CA10: variants seen among roughly 807,000 people sequenced by gnomAD.
CA10 encodes carbonic anhydrase 10 (inactive).
In CA10, 14 loss-of-function variants were observed where a neutral mutation model predicts 44.2. That is an observed-to-expected ratio of 0.32 (90% CI 0.21 to 0.50). The LOEUF (loss-of-function observed/expected upper bound fraction) is 0.50, where lower values mean the gene tolerates loss of function less well. Ranked by LOEUF, CA10 falls within the 20% of genes least tolerant of loss-of-function variation. The pLI, the probability that CA10 is intolerant of heterozygous loss-of-function variation, is 0.99. For missense variants in CA10, 350 were observed against 409.7 expected (o/e 0.85, Z 1.26); for synonymous variants, 159 against 141.6 (o/e 1.12, Z -0.87).
chr17:51,990,248 A>G (rs1453115551), intron 2 of CA10, among the ~76,000 whole-genome samples: 1 of 152,118 alleles, frequency 6.6e-6, no homozygotes, highest in East Asian at 1.9e-4. Context: ...ATTGCCCCAG[A>G]ATTTCCAGTA....
At chr17:51,972,221 A>G (rs1371123649) in intron 2 of CA10, among the ~76,000 whole-genome samples, 1 of 152,106 alleles carries the variant, frequency 6.6e-6, no homozygotes, top group African/African-American at 2.4e-5. Flanking sequence ...GGTCATGGAA[A>G]GGTTCAGACT....
chr17:51,723,850 A>G (rs960469308), intron 4 of CA10, among the ~76,000 whole-genome samples: 1 of 152,172 alleles, frequency 6.6e-6, no homozygotes, highest in African/African-American at 2.4e-5. Flanking sequence ...TACAGATTAA[A>G]AGCCTTGCAC....
chr17:52,097,395 G>A (rs796315308), intron 1 of CA10, among the ~76,000 whole-genome samples: 20 of 152,142 alleles, frequency 1.3e-4, no homozygotes, highest in African/African-American at 4.1e-4. Flanking sequence ...TATATATTTT[G>A]TACATCAAAT....
intron 3 of CA10, among the ~76,000 whole-genome samples, chr17:51,757,657 A>G (rs1420369619): frequency 6.6e-6 from 1 of 152,250 alleles, no homozygotes; most frequent in Non-Finnish European, 1.5e-5. Context: ...CACAACTACC[A>G]TAGCCTATAG....
chr17:51,963,371 T>C (rs1221233891), intron 2 of CA10, among the ~76,000 whole-genome samples: 1 of 152,148 alleles, frequency 6.6e-6, no homozygotes, highest in Non-Finnish European at 1.5e-5. Context: ...AAAACGTCCC[T>C]AATCTTGCTA....
In CA10 at chr17:51,686,586, T is replaced by C. The variant is rs371599331; in HGVS notation, c.466-32850A>G. ...TCTTAATGTCTACACCCTAGATGAA[T>C]GAAGTCAAGATCTCTAGGAGTGGGC... On this transcript the variant is annotated intron_variant, in intron 4 of 8. Transcript: ENST00000451037. 7.2e-5 allele frequency among the ~76,000 whole-genome samples: 11 copies of C among 152,242 alleles called. No homozygotes were observed. In the East Asian group the frequency reaches 1.2e-3, roughly 16 times the overall value.
chr17:52,125,246 G>A (rs1268681758), intron 1 of CA10, among the ~76,000 whole-genome samples: 1 of 152,180 alleles, frequency 6.6e-6, no homozygotes, highest in Non-Finnish European at 1.5e-5. Flanking sequence ...TCATTGATAA[G>A]TACTTAGTGA....
At chr17:51,976,102 A>C (rs1316428808) in intron 2 of CA10, among the ~76,000 whole-genome samples, 1 of 152,188 alleles carries the variant, frequency 6.6e-6, no homozygotes, top group Non-Finnish European at 1.5e-5. Context: ...GTGACAACTC[A>C]TCAAGAAGAC....
intron 1 of CA10, among the ~76,000 whole-genome samples, chr17:52,103,296 G>A (rs1322893175): frequency 1.3e-5 from 2 of 152,198 alleles, no homozygotes; most frequent in Non-Finnish European, 2.9e-5. Flanking sequence ...GCTTTTCAGT[G>A]ACCACAAGCT....
chr17:51,841,282 A>G (rs973802779), intron 3 of CA10, among the ~76,000 whole-genome samples: 2 of 151,978 alleles, frequency 1.3e-5, no homozygotes, highest in African/African-American at 4.8e-5. Flanking sequence ...GTGTAGATAC[A>G]TACTGATAGT....
intron 4 of CA10, among the ~76,000 whole-genome samples, chr17:51,657,681 T>A (rs886077): frequency 6.6e-6 from 1 of 152,186 alleles, no homozygotes; most frequent in Non-Finnish European, 1.5e-5. Flanking sequence ...TTTTGAATAA[T>A]TTAGATGGGC....
chr17:52,056,708 A>G (rs1033982874), intron 2 of CA10, among the ~76,000 whole-genome samples: 2 of 151,976 alleles, frequency 1.3e-5, no homozygotes, highest in Non-Finnish European at 2.9e-5. Flanking sequence ...CCTGAGGTTA[A>G]AGCATCCTGC....
At chr17:51,766,217 G>C (rs891007330) in intron 3 of CA10, among the ~76,000 whole-genome samples, 1 of 152,086 alleles carries the variant, frequency 6.6e-6, no homozygotes, top group African/African-American at 2.4e-5. Context: ...CCATGTTCAG[G>C]CTTGCTGGAA....
At chr17:51,847,683 G>A (rs1978556571) in intron 3 of CA10, among the ~76,000 whole-genome samples, 1 of 152,156 alleles carries the variant, frequency 6.6e-6, no homozygotes, top group Admixed American at 6.5e-5. Flanking sequence ...GTGGGATATG[G>A]TATTTGTGCA....
At chr17:52,062,924 A>T (rs560266650) in intron 2 of CA10, among the ~76,000 whole-genome samples, 2 of 152,366 alleles carry the variant, frequency 1.3e-5, no homozygotes, top group Non-Finnish European at 1.5e-5. Flanking sequence ...AATGAGCCAC[A>T]CTAGCATGGA....
chr17:51,919,135 C>T (rs746900607), intron 3 of CA10, among the ~76,000 whole-genome samples: 5 of 151,740 alleles, frequency 3.3e-5, no homozygotes, highest in Non-Finnish European at 5.9e-5. Context: ...TACTATATTT[C>T]TTTTCTTTTC....
At chr17:51,645,847 G>A (rs1913310188) in intron 6 of CA10, among the ~76,000 whole-genome samples, 1 of 152,184 alleles carries the variant, frequency 6.6e-6, no homozygotes, top group African/African-American at 2.4e-5. Flanking sequence ...TCATCTCCTT[G>A]GCAGGATTTT....
chr17:51,863,320 G>A (rs1363641296), intron 3 of CA10, among the ~76,000 whole-genome samples: 2 of 152,142 alleles, frequency 1.3e-5, no homozygotes, highest in Non-Finnish European at 2.9e-5. Context: ...TTGCTAATTA[G>A]TAGTTATGCT....
At chr17:51,936,247 C>T (rs1049840548) in intron 2 of CA10, among the ~76,000 whole-genome samples, 1 of 152,164 alleles carries the variant, frequency 6.6e-6, no homozygotes, top group African/African-American at 2.4e-5. Flanking sequence ...AGATATGGTT[C>T]CTATTCTCAT....
Sources: gnomAD v4.1 joint callset for allele counts (sites outside exome capture counted in the v4.1 genomes callset) on GRCh38, gnomAD v4.1.1 for gene constraint, MANE v1.5 for transcripts, NCBI Gene and HGNC (gene_info 2026-07-23, HGNC 2026-07-21) for gene names.